HPSE: variants seen among roughly 807,000 people sequenced by gnomAD.
HPSE encodes heparanase, also known as endo-glucoronidase.
HPSE carries 48 observed loss-of-function variants against 65.1 expected under a neutral mutation model. That is an observed-to-expected ratio of 0.74 (90% CI 0.58 to 0.94). The LOEUF is 0.94. Among genes scored for constraint, HPSE ranks in the 40% least tolerant of loss-of-function variants. The probability of loss-of-function intolerance (pLI) is 0.00; values close to 1 mark genes in which losing one functional copy is unlikely to be tolerated. For missense variants in HPSE, 644 were observed against 637.5 expected (o/e 1.01, Z -0.11); for synonymous variants, 243 against 260.0 (o/e 0.93, Z 0.63).
intron 8 of HPSE, among the ~76,000 whole-genome samples, chr4:83,306,928 G>A (rs1349006616): frequency 3.3e-5 from 5 of 152,086 alleles, no homozygotes; most frequent in African/African-American, 1.2e-4. Flanking sequence ...GAGATATCTT[G>A]CAGACCCTGA....
Position 83,330,910 on chromosome 4 carries a change from A to G in HPSE, c.227+3646T>C, listed in dbSNP as rs545188936. 1.1e-4 allele frequency among the ~76,000 whole-genome samples: 16 copies of G among 152,340 alleles called. No individual in the cohort carries two copies. The South Asian group carries it at 2.1e-3, about 20-fold the overall frequency. On this transcript the variant is annotated intron_variant, in intron 1 of 11. Coordinates refer to ENST00000311412, the MANE Select transcript of HPSE (RefSeq NM_001098540.3). ...CATGTGGCTACTGAACGCTTGAAAT[A>G]TAGTTAATCTGAGGCCGGGTGCAGT...
At chr4:83,307,833 GA>G (rs971305397) in intron 8 of HPSE, among the ~76,000 whole-genome samples, 33 of 151,722 alleles carry the variant, frequency 2.2e-4, no homozygotes, top group Admixed American at 2.6e-4. Flanking sequence ...GAAGAGAAAA[GA>G]AAAAAAATCT....
At position 83,326,912 on chromosome 4, in the gene HPSE, C is replaced by T. The variant is rs372383468; in HGVS notation, c.228-4548G>A. On this transcript the variant is annotated intron_variant, in intron 1 of 11. Transcript: ENST00000311412. This position sits in a 1 kb window ranked among gnomAD's most constrained non-coding sequence, Gnocchi z 4.2. ...GAAAAGTTGCTGTGGCATCACATGA[C>T]GGGCATCTGTGAGTGACCTGGGTCA... 2.7e-4 allele frequency among the ~76,000 whole-genome samples: 41 copies of T among 152,290 alleles called. No individual in the cohort carries two copies. Among genetic ancestry groups the T allele is most frequent in the African/African-American group, 8.7e-4 (36 of 41,550 alleles).
At chr4:83,317,986 A>G (rs1345722203) in intron 3 of HPSE, among the ~76,000 whole-genome samples, 1 of 152,192 alleles carries the variant, frequency 6.6e-6, no homozygotes, top group Non-Finnish European at 1.5e-5. Context: ...TTAGAGGACA[A>G]CATTAGCTAT....
intron 9 of HPSE, among the ~76,000 whole-genome samples, chr4:83,304,551 G>A (rs1315409213): frequency 3.2e-5 from 4 of 125,926 alleles, no homozygotes; most frequent in Non-Finnish European, 6.7e-5. Context: ...GATCGGTGGT[G>A]GGCACAATGG....
chr4:83,325,131 GT>G lies in HPSE; in HGVS notation c.228-2768del, dbSNP rs1349394060. 5.1e-3 allele frequency among the ~76,000 whole-genome samples: 23 copies of G among 4,520 alleles called. No homozygotes were observed. In the South Asian group the frequency reaches 0.057, roughly 11 times the overall value. The allele number at this position is 4,520 out of a possible 152,430, so 3.0% of individuals were successfully genotyped here. On this transcript the variant is annotated intron_variant, in intron 1 of 11. Coordinates refer to ENST00000311412, the MANE Select transcript of HPSE (RefSeq NM_001098540.3). ...GTTATATTTTAAATTATACAACTTG[GT>G]GTGTGTGTGTGTGTGTGTGTGTGTG...
chr4:83,334,665 C>A lies in HPSE; in HGVS notation c.118G>T (p.Asp40Tyr). 1 of 1,578,294 alleles carries A rather than the reference C, an allele frequency of 6.3e-7. No individual in the cohort carries two copies. Among genetic ancestry groups the A allele is most frequent in the Non-Finnish European group, 8.6e-7 (1 of 1,161,990 alleles). Residue 40 changes from aspartate to tyrosine, a missense_variant, in exon 1 of 12, where the codon GAC (aspartate) becomes TAC (tyrosine). By Grantham distance (160) the Asp-to-Tyr change is radical (BLOSUM62 -3). Transcript: ENST00000311412. ...GGCTCCTGGGTGAAGAAGTCCAGGT[C>A]CACGACGTCCTGTGCTTGCGCAGGT... ...PRPAQAQDVV[D>Y]LDFFTQEPLH...
chr4:83,293,802 CAAAG>C lies in HPSE; in HGVS notation c.*1538_*1541del, dbSNP rs1238112104. ...CTGTCCTCTCACATATTATTGCTGA[CAAAG>C]AAAACCGAAAGAAGAAAATCAGCAA... On this transcript the variant is annotated 3_prime_UTR_variant, in exon 12 of 12. Coordinates refer to ENST00000311412, the MANE Select transcript of HPSE (RefSeq NM_001098540.3). 3 of 152,118 alleles carry C rather than the reference CAAAG, an allele frequency of 2.0e-5. 1 individual carries two copies. The highest frequency in any genetic ancestry group is 1.3e-4 in the Admixed American group (2 of 15,272). The allele number at this position is 152,118 out of a possible 1,614,324, so 9.4% of individuals were successfully genotyped here.
rs1735671677 is a variant in HPSE at position 83,295,037 on chromosome 4, A to G, written c.*307T>C. The G allele has an allele frequency of 6.4e-6, 1 of 155,810 alleles. No individual in the cohort carries two copies. Among genetic ancestry groups the G allele is most frequent in the South Asian group, 2.0e-4 (1 of 4,960 alleles). The allele number at this position is 155,810 out of a possible 1,614,324, so 9.7% of individuals were successfully genotyped here. On this transcript the variant is annotated 3_prime_UTR_variant, in exon 12 of 12. Transcript: ENST00000311412. ...ACCATGGCACTCCAGCCTGGGTGAC[A>G]GAGAGAGATTCTGTCTCAAAATAAA...
intron 1 of HPSE, among the ~76,000 whole-genome samples, chr4:83,329,567 AG>A (rs1326511217): frequency 6.6e-6 from 1 of 152,208 alleles, no homozygotes; most frequent in East Asian, 1.9e-4. Context: ...TCAGAAAAAA[AG>A]GTGCTCTGCT....
intron 1 of HPSE, among the ~76,000 whole-genome samples, chr4:83,327,354 T>C (rs545309370): frequency 5.3e-5 from 8 of 152,332 alleles, no homozygotes; most frequent in African/African-American, 1.9e-4. Context: ...CCTTTTTGTT[T>C]GTCTCCTTTG....
rs1360000646 is a variant in HPSE at position 83,310,059 on chromosome 4, C to T, written c.862G>A (p.Glu288Lys). 2 of 1,610,844 alleles carry T rather than the reference C, an allele frequency of 1.2e-6. No homozygotes were observed. Among genetic ancestry groups the T allele is most frequent in the Admixed American group, 3.4e-5 (2 of 59,676 alleles). The change falls in exon 6 of 12, where the codon GAA (glutamate) becomes AAA (lysine). Residue 288 changes from glutamate to lysine, a missense_variant. By Grantham distance (56) the Glu-to-Lys change is moderately conservative (BLOSUM62 1). Transcript: ENST00000311412. ...MLKSFLKAGGEVIDSVTWHHY... is the reference protein window; with the variant it reads ...MLKSFLKAGGKVIDSVTWHHY... ...TGCCATGTAACTGAATCAATCACTTCTCCACCAGCCTTCAGGAAGCTAGAA... is the reference window on the plus strand; with the variant it reads ...TGCCATGTAACTGAATCAATCACTTTTCCACCAGCCTTCAGGAAGCTAGAA...
At chr4:83,320,565 C>CAA (rs904935247) in intron 2 of HPSE, among the ~76,000 whole-genome samples, 5 of 123,070 alleles carry the variant, frequency 4.1e-5, no homozygotes, top group African/African-American at 1.2e-4. Flanking sequence ...GACCCTGTCT[C>CAA]AAAAAAAAAA....
At chr4:83,304,202 A>G (rs1736070101) in intron 9 of HPSE, among the ~76,000 whole-genome samples, 1 of 152,202 alleles carries the variant, frequency 6.6e-6, no homozygotes, top group African/African-American at 2.4e-5. Flanking sequence ...TGGGAAGGAA[A>G]ATAAATGAGT....
chr4:83,313,111 C>A lies in HPSE; in HGVS notation c.673+3G>T. On this transcript the variant is annotated splice_donor_region_variant and intron_variant, in intron 4 of 11. Coordinates refer to ENST00000311412, the MANE Select transcript of HPSE (RefSeq NM_001098540.3). ...TTAATGAATTGTTCCCTGGGGTACTCACCATTGCCTAGTTCCCAAGAAATG... is the reference window on the plus strand; with the variant it reads ...TTAATGAATTGTTCCCTGGGGTACTAACCATTGCCTAGTTCCCAAGAAATG... 1 of 1,592,956 alleles carries A rather than the reference C, an allele frequency of 6.3e-7. No homozygotes were observed. Among genetic ancestry groups the A allele is most frequent in the South Asian group, 1.1e-5 (1 of 89,944 alleles).
chr4:83,302,250 G>A lies in HPSE; in HGVS notation c.1225C>T (p.Leu409=). 1.2e-6 allele frequency: 2 copies of A among 1,612,326 alleles called. No homozygotes were observed. Among genetic ancestry groups the A allele is most frequent in the Non-Finnish European group, 1.7e-6 (2 of 1,178,462 alleles). ...TTGGTGCCCACCAATTTCTTGAACA[G>A]AAGAGATAGCCAATAATCCTAGTTG... is the stretch of plus-strand genomic sequence containing the variant. The part of the protein sequence containing the change: ...DPLPDYWLSL[L]FKKLVGTKVL... The change falls in exon 10 of 12, where the codon CTG becomes TTG. Residue 409 remains leucine, a synonymous_variant. Transcript: ENST00000311412.
chr4:83,334,694 G>A lies in HPSE; in HGVS notation c.89C>T (p.Pro30Leu). The stretch of plus-strand genomic sequence containing the variant: ...GACGTCCTGTGCTTGCGCAGGTCGG[G>A]GCAGGGCGCCAGGGGAGAGGGGACC... ...PLGPLSPGALPRPAQAQDVVD... is the reference protein window; with the variant it reads ...PLGPLSPGALLRPAQAQDVVD... Residue 30 changes from proline to leucine, a missense_variant, in exon 1 of 12, where the codon CCC (proline) becomes CTC (leucine). Physicochemically the swap from Pro to Leu is moderately conservative, Grantham distance 98. Coordinates refer to ENST00000311412, the MANE Select transcript of HPSE (RefSeq NM_001098540.3). 6.4e-7 allele frequency: 1 copy of A among 1,570,654 alleles called. No individual in the cohort carries two copies. Among genetic ancestry groups the A allele is most frequent in the Non-Finnish European group, 8.6e-7 (1 of 1,157,756 alleles).
intron 9 of HPSE, among the ~76,000 whole-genome samples, chr4:83,305,727 A>G (rs377433602): frequency 6.6e-6 from 1 of 152,240 alleles, no homozygotes. Context: ...ATTCATAAAT[A>G]TCTTGAAGAT....
At chr4:83,310,484 C>T (rs987546504) in intron 5 of HPSE, among the ~76,000 whole-genome samples, 2 of 151,812 alleles carry the variant, frequency 1.3e-5, no homozygotes, top group African/African-American at 4.8e-5. Context: ...GCCTGGGCAA[C>T]ACAGGGAGAC....
Sources: gnomAD v4.1 joint callset for allele counts (sites outside exome capture counted in the v4.1 genomes callset) on GRCh38, gnomAD v4.1.1 for gene constraint, Gnocchi (gnomAD v3.1) non-coding constraint, MANE v1.5 for transcripts, NCBI Gene and HGNC (gene_info 2026-07-23, HGNC 2026-07-21) for gene names.